BAALC: variants seen among roughly 807,000 people sequenced by gnomAD.
BAALC encodes the protein brain and acute leukemia cytoplasmic protein.
Under a neutral mutation model 15.5 loss-of-function variants are expected in BAALC, and 9 were observed. The ratio of observed to expected loss-of-function variants is 0.58; its 90% CI spans 0.35 to 1.02. The LOEUF is 1.02. Ranked by LOEUF, BAALC falls within the 50% of genes least tolerant of loss-of-function variation. BAALC has a pLI of 0.02. For missense variants in BAALC, 201 were observed against 192.4 expected (o/e 1.04, Z -0.27); for synonymous variants, 80 against 74.6 (o/e 1.07, Z -0.37).
intron 2 of BAALC, among the ~76,000 whole-genome samples, chr8:103,218,594 A>G (rs569470158): frequency 9.9e-5 from 15 of 151,922 alleles, no homozygotes; most frequent in Admixed American, 9.8e-4. Flanking sequence ...TCAAGTATTC[A>G]GCTACAGTAA....
intron 1 of BAALC, among the ~76,000 whole-genome samples, chr8:103,142,195 T>C (rs1253930164): frequency 6.6e-6 from 1 of 152,238 alleles, no homozygotes; most frequent in Non-Finnish European, 1.5e-5. Flanking sequence ...TTAAGAATCT[T>C]AAATCCATGC....
At chr8:103,211,086 T>C (rs1812439005) in intron 1 of BAALC, among the ~76,000 whole-genome samples, 1 of 152,172 alleles carries the variant, frequency 6.6e-6, no homozygotes, top group Admixed American at 6.5e-5. Flanking sequence ...CTAAGGTCTG[T>C]CTTAGGTTGG....
At chr8:103,169,544 A>G (rs1197184780) in intron 1 of BAALC, among the ~76,000 whole-genome samples, 1 of 152,134 alleles carries the variant, frequency 6.6e-6, no homozygotes, top group Non-Finnish European at 1.5e-5. Flanking sequence ...CATCTTCACT[A>G]TAGAGTATCT....
chr8:103,202,753 G>A (rs17204975), intron 1 of BAALC: 5,883 of 152,312 alleles, frequency 0.039, 158 homozygotes, highest in Non-Finnish European at 0.06. Flanking sequence ...TTTCATGACC[G>A]AGTTGGGACA....
At chr8:103,144,816 A>G (rs1386505012) in intron 1 of BAALC, among the ~76,000 whole-genome samples, 1 of 152,276 alleles carries the variant, frequency 6.6e-6, no homozygotes, top group Non-Finnish European at 1.5e-5. Context: ...AAGATAGTCA[A>G]ATAAAATGGA....
intron 1 of BAALC, among the ~76,000 whole-genome samples, chr8:103,145,349 GC>G (rs1367234992): frequency 6.6e-6 from 1 of 152,194 alleles, no homozygotes; most frequent in Non-Finnish European, 1.5e-5. Context: ...TTTGAAGATG[GC>G]TGTCACATCT....
intron 2 of BAALC, among the ~76,000 whole-genome samples, chr8:103,218,787 G>A (rs896760074): frequency 1.3e-5 from 2 of 152,030 alleles, no homozygotes; most frequent in Non-Finnish European, 2.9e-5. Flanking sequence ...GTTTTCTCCC[G>A]CTCCTCCTCC....
Position 103,140,781 on chromosome 8 carries a change from C to A in BAALC, c.-117C>A. 2.1e-6 allele frequency: 2 copies of A among 949,766 alleles called. No individual in the cohort carries two copies. The highest frequency in any genetic ancestry group is 2.7e-6 in the Non-Finnish European group (2 of 742,696). The allele number at this position is 949,766 out of a possible 1,614,324, so 58.8% of individuals were successfully genotyped here. A position where few individuals can be genotyped will look rare whatever the true frequency, so the allele number is the denominator to read the frequency against. On this transcript the variant is annotated 5_prime_UTR_variant, in exon 1 of 3. Transcript: ENST00000309982. The surrounding 1 kb of genome is among the most constrained non-coding windows in gnomAD (Gnocchi z 4.2). ...CGCGCGGCTGCAGCGCGGGCGGGAG[C>A]GGGGACGCGATGTCGCCGCCGCCGC...
chr8:103,212,867 A>C, intron 1 of BAALC, 52 bp from the exon 2 acceptor site: 1 of 1,528,596 alleles, frequency 6.5e-7, no homozygotes, highest in Non-Finnish European at 8.8e-7. Flanking sequence ...GATTGTTTGC[A>C]ACATCTGCCA....
At chr8:103,166,774 G>T (rs1471618634) in intron 1 of BAALC, among the ~76,000 whole-genome samples, 1 of 152,138 alleles carries the variant, frequency 6.6e-6, no homozygotes, top group Non-Finnish European at 1.5e-5. Context: ...CCTCTTAAAA[G>T]AAAATTGTAC....
chr8:103,226,540 C>T (rs752190587), intron 2 of BAALC, among the ~76,000 whole-genome samples: 1 of 152,160 alleles, frequency 6.6e-6, no homozygotes, highest in Non-Finnish European at 1.5e-5. Context: ...ACTCACAAGC[C>T]CACTCGTGTT....
chr8:103,166,304 G>C (rs1811345167), intron 1 of BAALC: 1 of 152,750 alleles, frequency 6.5e-6, no homozygotes, highest in African/African-American at 2.4e-5. Flanking sequence ...GTTCTAGAGA[G>C]AGAACCAAGA....
intron 1 of BAALC, among the ~76,000 whole-genome samples, chr8:103,211,288 C>T (rs1812442095): frequency 6.6e-6 from 1 of 152,206 alleles, no homozygotes; most frequent in Admixed American, 6.5e-5. Flanking sequence ...TAATGTTCAG[C>T]CCTCTGTGCT....
intron 1 of BAALC, chr8:103,166,023 G>A (rs1811337812): frequency 6.6e-6 from 1 of 152,358 alleles, no homozygotes; most frequent in Non-Finnish European, 1.5e-5. Context: ...TTGTATAAGT[G>A]CAACTCCTTT....
At chr8:103,175,755 T>A (rs1334740176) in intron 1 of BAALC, among the ~76,000 whole-genome samples, 2 of 152,212 alleles carry the variant, frequency 1.3e-5, no homozygotes. Flanking sequence ...CCAAGGTGGC[T>A]TTTGAGACAA....
intron 1 of BAALC, chr8:103,141,547 T>C (rs1810778483): frequency 6.5e-6 from 1 of 154,512 alleles, no homozygotes; most frequent in Admixed American, 6.5e-5. Context: ...ATCGCCTGGG[T>C]GGAGTCTTTC....
In BAALC at chr8:103,228,833, A is replaced by T. The variant is rs528396190; in HGVS notation, c.*734A>T. The T allele has an allele frequency of 1.3e-5, 2 of 152,372 alleles. No homozygotes were observed. Among genetic ancestry groups the T allele is most frequent in the East Asian group, 3.9e-4 (2 of 5,190 alleles). 9.4% of individuals were successfully genotyped at this position (152,372 alleles called of 1,614,324 possible). ...CTTAATGTCACCATGCTTGTGGCCA[A>T]TGCATCCAAATAAGGATACCCCTCA... On this transcript the variant is annotated 3_prime_UTR_variant, in exon 3 of 3. Transcript: ENST00000309982.
At chr8:103,218,690 C>T (rs912486124) in intron 2 of BAALC, among the ~76,000 whole-genome samples, 33 of 152,138 alleles carry the variant, frequency 2.2e-4, no homozygotes, top group African/African-American at 7.7e-4. Context: ...TCAGAAGCTG[C>T]ATATTTTCAA....
intron 1 of BAALC, among the ~76,000 whole-genome samples, chr8:103,178,244 A>C (rs1370548205): frequency 6.6e-6 from 1 of 152,234 alleles, no homozygotes. Flanking sequence ...TCAAAAGAGA[A>C]TATGAGAATG....
Sources: allele counts gnomAD v4.1 joint callset (sites outside exome capture counted in the v4.1 genomes callset), GRCh38; gene constraint gnomAD v4.1.1; non-coding constraint Gnocchi (gnomAD v3.1); transcripts MANE v1.5; gene names NCBI Gene and HGNC (gene_info 2026-07-23, HGNC 2026-07-21).